Variants in EXOC6 observed in about 807,000 individuals in gnomAD.
The protein encoded by EXOC6 is SEC15-like 1.
EXOC6 carries 60 observed loss-of-function variants against 112.5 expected under a neutral mutation model. The observed-to-expected ratio is 0.53, with a 90% CI of 0.43 to 0.66. The LOEUF (loss-of-function observed/expected upper bound fraction) is 0.66, where lower values mean the gene tolerates loss of function less well. Ranked by LOEUF, EXOC6 falls within the 30% of genes least tolerant of loss-of-function variation. The pLI, the probability that EXOC6 is intolerant of heterozygous loss-of-function variation, is 0.00. For missense variants in EXOC6, 855 were observed against 957.1 expected (o/e 0.89, Z 1.41); for synonymous variants, 295 against 308.0 (o/e 0.96, Z 0.44).
intron 19 of EXOC6, among the ~76,000 whole-genome samples, chr10:92,999,994 G>A (rs541832347): frequency 6.6e-6 from 1 of 152,184 alleles, no homozygotes; most frequent in South Asian, 2.1e-4. Flanking sequence ...ATGAACCACC[G>A]TGCCTAGCCC....
At chr10:92,941,608 T>C (rs1852671623) in intron 13 of EXOC6, among the ~76,000 whole-genome samples, 1 of 152,206 alleles carries the variant, frequency 6.6e-6, no homozygotes, top group Non-Finnish European at 1.5e-5. Context: ...TAAATACTTA[T>C]AAGACTATAA....
At chr10:92,834,818 C>T in exon 1 of EXOC6, 1 of 1,599,428 alleles carries the variant, frequency 6.3e-7, no homozygotes, top group Non-Finnish European at 8.6e-7. Flanking sequence ...GTTGAAGCTA[C>T]TTTAAGGTAG....
At chr10:93,045,818 A>G (rs1845980137) in intron 20 of EXOC6, among the ~76,000 whole-genome samples, 1 of 152,254 alleles carries the variant, frequency 6.6e-6, no homozygotes, top group African/African-American at 2.4e-5. Context: ...AATTAAATGT[A>G]TGACCTGGGA....
At chr10:92,997,256 A>G (rs1843535550) in intron 18 of EXOC6, among the ~76,000 whole-genome samples, 1 of 152,186 alleles carries the variant, frequency 6.6e-6, no homozygotes, top group Admixed American at 6.5e-5. Flanking sequence ...AATGATATTT[A>G]TATCCTGAGA....
At chr10:92,928,459 CT>C in intron 9 of EXOC6, 37 bp downstream of exon 9, 1 of 1,243,638 alleles carries the variant, frequency 8.0e-7, no homozygotes, top group Non-Finnish European at 1.2e-6. Flanking sequence ...TATGTTGTCA[CT>C]TTTTATCCCC....
intron 1 of EXOC6, among the ~76,000 whole-genome samples, chr10:92,858,575 A>C (rs1216095462): frequency 6.6e-6 from 1 of 151,992 alleles, no homozygotes; most frequent in African/African-American, 2.4e-5. Context: ...CTGACTTTTC[A>C]ACTCTGGAAT....
chr10:93,010,811 A>G (rs1252755108), intron 19 of EXOC6, among the ~76,000 whole-genome samples: 2 of 151,968 alleles, frequency 1.3e-5, no homozygotes, highest in Admixed American at 1.3e-4. Context: ...TTTATGATCC[A>G]TCATCTGCAT....
intron 1 of EXOC6, among the ~76,000 whole-genome samples, chr10:92,853,014 G>A (rs1847425582): frequency 6.6e-6 from 1 of 152,148 alleles, no homozygotes; most frequent in South Asian, 2.1e-4. Flanking sequence ...CCTGTGGAAT[G>A]TACAGAAAAG....
chr10:92,834,872 T>A, intron 1 of EXOC6: 1 of 1,185,686 alleles, frequency 8.4e-7, no homozygotes, highest in African/African-American at 1.5e-5. Context: ...GGTGATAAGG[T>A]GGTCCTTTAC....
intron 21 of EXOC6, among the ~76,000 whole-genome samples, chr10:93,057,306 T>C (rs1846593984): frequency 6.6e-6 from 1 of 152,144 alleles, no homozygotes; most frequent in Admixed American, 6.5e-5. Context: ...GAAATATGTT[T>C]ACTGGGGATG....
intron 17 of EXOC6, among the ~76,000 whole-genome samples, chr10:92,964,252 ATTATAAT>A (rs1411871733): frequency 6.6e-6 from 1 of 151,738 alleles, no homozygotes; most frequent in Non-Finnish European, 1.5e-5. Context: ...TTTTTAAAAA[ATTATAAT>A]TTATTGGCTT....
Position 92,915,759 on chromosome 10 carries a change from C to T in EXOC6, c.665C>T (p.Ala222Val). 1 of 1,517,248 alleles carries T rather than the reference C, an allele frequency of 6.6e-7. No individual in the cohort carries two copies. Among genetic ancestry groups the T allele is most frequent in the East Asian group, 2.6e-5 (1 of 39,140 alleles). 94.0% of individuals were successfully genotyped at this position (1,517,248 alleles called of 1,614,324 possible). ...DKIGETAMKQ[A>V]QHQKTFSVSL... The stretch of plus-strand genomic sequence containing the variant: ...TGAATTTCTCTCTCTTCAAAATAGG[C>T]ACAGCATCAGAAAACCTTCAGTGTT... The change falls in exon 7 of 22, where the codon GCA (alanine) becomes GTA (valine). Residue 222 changes from alanine to valine, a missense_variant and splice_region_variant. By Grantham distance (64) the Ala-to-Val change is moderately conservative. This residue lies in a region of EXOC6 where 405 missense variants were observed against 393.6 expected (regional missense o/e 1.03). Coordinates refer to ENST00000260762, the MANE Select transcript of EXOC6 (RefSeq NM_019053.6).
At chr10:92,980,033 A>G (rs1160586004) in intron 18 of EXOC6, among the ~76,000 whole-genome samples, 1 of 152,108 alleles carries the variant, frequency 6.6e-6, no homozygotes, top group Non-Finnish European at 1.5e-5. Flanking sequence ...GCTAAATAGT[A>G]TTGATAGAAA....
intron 8 of EXOC6, among the ~76,000 whole-genome samples, chr10:92,922,086 C>T (rs1214218395): frequency 6.6e-6 from 1 of 152,042 alleles, no homozygotes; most frequent in Non-Finnish European, 1.5e-5. Context: ...GCTGGGATTA[C>T]AGGCGCCTGC....
Position 92,974,151 on chromosome 10 carries a change from GC to G in EXOC6, c.1874del (p.Pro625GlnfsTer9). The stretch of plus-strand genomic sequence containing the variant: ...CTGATTATGACTGGACAATGTCTGA[GC>G]CAGATGGAAGAGCTAGTGGTTATTT... The part of the protein sequence containing the change: ...LADYDWTMSE[P>X]DGRASGYLMD... On this transcript the variant is annotated frameshift_variant, in exon 18 of 22. Coordinates refer to ENST00000260762, the MANE Select transcript of EXOC6 (RefSeq NM_019053.6). LOFTEE classifies it high-confidence loss of function. The G allele has an allele frequency of 6.2e-7, 1 of 1,603,044 alleles. No individual in the cohort carries two copies.
chr10:93,029,061 G>C (rs1431405083), intron 20 of EXOC6, among the ~76,000 whole-genome samples: 1 of 152,104 alleles, frequency 6.6e-6, no homozygotes, highest in Admixed American at 6.5e-5. Flanking sequence ...AGCCACCTCA[G>C]CCTTCAGCAA....
intron 1 of EXOC6, among the ~76,000 whole-genome samples, chr10:92,840,980 G>A (rs1307724320): frequency 6.6e-6 from 1 of 151,998 alleles, no homozygotes; most frequent in Non-Finnish European, 1.5e-5. Context: ...ATAACGTGAC[G>A]TTTCACTGTC....
chr10:92,913,594 C>T (rs529809827), intron 6 of EXOC6, among the ~76,000 whole-genome samples: 75 of 152,330 alleles, frequency 4.9e-4, no homozygotes, highest in African/African-American at 1.7e-3. Flanking sequence ...CCTGCTTTTT[C>T]CTCCCAAAAG....
At chr10:93,022,799 T>TA (rs953158801) in intron 20 of EXOC6, among the ~76,000 whole-genome samples, 1 of 151,776 alleles carries the variant, frequency 6.6e-6, no homozygotes, top group African/African-American at 2.4e-5. Context: ...GTTTTTTTTT[T>TA]AATCAGATGT....
Sources: allele counts gnomAD v4.1 joint callset (sites outside exome capture counted in the v4.1 genomes callset), GRCh38; gene constraint gnomAD v4.1.1; regional missense constraint gnomAD v4.1.1; transcripts MANE v1.5; gene names NCBI Gene and HGNC (gene_info 2026-07-23, HGNC 2026-07-21).